RLF: variants seen among roughly 807,000 people sequenced by gnomAD.
The protein encoded by RLF is zinc finger protein Rlf.
RLF carries 7 observed loss-of-function variants against 162.9 expected under a neutral mutation model. That is an observed-to-expected ratio of 0.04 (90% CI 0.02 to 0.08). The LOEUF (loss-of-function observed/expected upper bound fraction) is 0.08. Among genes scored for constraint, RLF ranks in the 10% least tolerant of loss-of-function variants. RLF has a pLI of 1.00. For synonymous variants in RLF, 782 were observed against 791.5 expected (o/e 0.99, Z 0.20); for missense variants, 1,664 against 2,244.7 (o/e 0.74, Z 5.23).
At chr1:40,220,652 A>G (rs745633192) in intron 5 of RLF, among the ~76,000 whole-genome samples, 1 of 152,224 alleles carries the variant, frequency 6.6e-6, no homozygotes, top group Non-Finnish European at 1.5e-5. Flanking sequence ...CATCTCCAGT[A>G]CTTAGCACGG....
chr1:40,166,763 C>A (rs1289537957), intron 1 of RLF, among the ~76,000 whole-genome samples: 1 of 149,776 alleles, frequency 6.7e-6, no homozygotes, highest in Non-Finnish European at 1.5e-5. Context: ...GACAGAAAAC[C>A]AAACACCGCA....
chr1:40,190,711 G>C, intron 2 of RLF, 61 bp from the exon 3 acceptor site: 4 of 1,075,424 alleles, frequency 3.7e-6, no homozygotes, highest in Non-Finnish European at 5.6e-6. Flanking sequence ...TAGTATTGCT[G>C]TCATACTCTA....
chr1:40,175,420 G>T (rs1452751911), intron 1 of RLF, among the ~76,000 whole-genome samples: 6 of 152,108 alleles, frequency 3.9e-5, no homozygotes, highest in Admixed American at 3.9e-4. Flanking sequence ...GGAGGCCTAG[G>T]CAGGCGGATC....
rs1012743258 is a variant in RLF at position 40,165,825 on chromosome 1, C to T, written c.237+4189C>T. ...GAAAGATAAAGTTCAAACTTATTAG[C>T]TTGGTATACAAAGCCTTTTAGAATC... On this transcript the variant is annotated intron_variant, in intron 1 of 7. Coordinates refer to ENST00000372771, the MANE Select transcript of RLF (RefSeq NM_012421.4). Among the ~76,000 whole-genome samples the T allele has an allele frequency of 4.6e-5, 7 of 152,126 alleles. No individual in the cohort carries two copies. The East Asian group carries it at 1.3e-3, about 29-fold the overall frequency.
At chr1:40,222,526 T>A (rs1481272633) in intron 5 of RLF, 48 bp from the exon 6 acceptor site, 1 of 1,594,188 alleles carries the variant, frequency 6.3e-7, no homozygotes, top group Admixed American at 1.7e-5. Context: ...CAAAGTTTAC[T>A]GAAAAGTCAC....
At chr1:40,175,016 C>T (rs146751116) in intron 1 of RLF, among the ~76,000 whole-genome samples, 129 of 152,076 alleles carry the variant, frequency 8.5e-4, no homozygotes, top group African/African-American at 3.0e-3. Flanking sequence ...GACTGGGCAA[C>T]GTAGTGAGAC....
intron 5 of RLF, among the ~76,000 whole-genome samples, chr1:40,206,986 A>AATAT (rs1642806051): frequency 6.6e-6 from 1 of 152,160 alleles, no homozygotes. Context: ...CATTATTATA[A>AATAT]ATATATACTA....
intron 5 of RLF, among the ~76,000 whole-genome samples, chr1:40,213,942 G>T (rs1444688001): frequency 6.6e-6 from 1 of 152,260 alleles, no homozygotes; most frequent in Non-Finnish European, 1.5e-5. Context: ...TGTTATGCCA[G>T]TTGGCTGCCT....
intron 5 of RLF, among the ~76,000 whole-genome samples, chr1:40,205,140 T>G (rs57704112): frequency 0.052 from 7,915 of 152,244 alleles, 603 homozygotes; most frequent in African/African-American, 0.17. Context: ...ATGCTATTAT[T>G]TATTCTGTCC....
At chr1:40,189,911 C>G (rs1425442990) in intron 2 of RLF, among the ~76,000 whole-genome samples, 1 of 152,180 alleles carries the variant, frequency 6.6e-6, no homozygotes, top group Non-Finnish European at 1.5e-5. Context: ...TGAAAAGATA[C>G]AACAGCCAAT....
Position 40,202,539 on chromosome 1 carries a change from A to G in RLF, c.735A>G (p.Ser245=). ...TATGTGCAGAATCTAAAGAAATTTC[A>G]AATGTGTCATCTTTTCAGCAAGCCT... The part of the protein sequence containing the change: ...SKLCAESKEI[S]NVSSFQQAYI... The change falls in exon 5 of 8, where the codon TCA becomes TCG. Residue 245 remains serine, a synonymous_variant. Coordinates refer to ENST00000372771, the MANE Select transcript of RLF (RefSeq NM_012421.4). The G allele has an allele frequency of 6.4e-7, 1 of 1,568,606 alleles. No homozygotes were observed. Among genetic ancestry groups the G allele is most frequent in the Non-Finnish European group, 8.6e-7 (1 of 1,166,972 alleles).
chr1:40,197,584 A>G (rs1445253172), intron 4 of RLF, among the ~76,000 whole-genome samples: 1 of 152,216 alleles, frequency 6.6e-6, no homozygotes, highest in South Asian at 2.1e-4. Context: ...AACAGTAATT[A>G]ATCATTTTTA....
chr1:40,200,653 G>C (rs1642699222), intron 4 of RLF, among the ~76,000 whole-genome samples: 1 of 151,844 alleles, frequency 6.6e-6, no homozygotes, highest in South Asian at 2.1e-4. Flanking sequence ...TTGGAAACTT[G>C]TTGTTTCTCA....
intron 5 of RLF, among the ~76,000 whole-genome samples, chr1:40,213,905 G>GT (rs1167158616): frequency 6.6e-6 from 1 of 152,182 alleles, no homozygotes; most frequent in Non-Finnish European, 1.5e-5. Context: ...ACTTAGGAAC[G>GT]TAAGTATGCT....
At chr1:40,217,404 G>A (rs920781145) in intron 5 of RLF, among the ~76,000 whole-genome samples, 3 of 151,976 alleles carry the variant, frequency 2.0e-5, no homozygotes, top group African/African-American at 7.3e-5. Context: ...CTAGGAGTTC[G>A]AGGCTGCAGT....
chr1:40,188,618 G>A (rs199758801), intron 1 of RLF, among the ~76,000 whole-genome samples: 13 of 145,946 alleles, frequency 8.9e-5, no homozygotes, highest in Non-Finnish European at 7.5e-5. Flanking sequence ...CATGTGTCCA[G>A]AAAAAAAAAA....
chr1:40,240,461 T>A lies in RLF; in HGVS notation c.*14T>A. On this transcript the variant is annotated 3_prime_UTR_variant, in exon 8 of 8. Coordinates refer to ENST00000372771, the MANE Select transcript of RLF (RefSeq NM_012421.4). ...GGAAGTTCATAAGTAGCAATTTTGT[T>A]TTAGTAACAGACTGGCTCCAACACT... 2 of 1,587,336 alleles carry A rather than the reference T, an allele frequency of 1.3e-6. No homozygotes were observed. The highest frequency in any genetic ancestry group is 1.7e-6 in the Non-Finnish European group (2 of 1,160,638).
chr1:40,167,595 G>GT (rs1413004638), intron 1 of RLF, among the ~76,000 whole-genome samples: 2 of 151,986 alleles, frequency 1.3e-5, no homozygotes, highest in Non-Finnish European at 2.9e-5. Context: ...ACTAAAACGT[G>GT]TTTTATTTTC....
At chr1:40,185,932 G>A (rs376912272) in intron 1 of RLF, among the ~76,000 whole-genome samples, 59 of 151,084 alleles carry the variant, frequency 3.9e-4, no homozygotes, top group Non-Finnish European at 6.0e-4. Flanking sequence ...CAAGGCAGGC[G>A]GATCACTTGA....
Sources: allele counts gnomAD v4.1 joint callset (sites outside exome capture counted in the v4.1 genomes callset), GRCh38; gene constraint gnomAD v4.1.1; transcripts MANE v1.5; gene names NCBI Gene and HGNC (gene_info 2026-07-23, HGNC 2026-07-21).